GRIP2: variants seen among roughly 807,000 people sequenced by gnomAD.
GRIP2 encodes glutamate receptor-interacting protein 2.
GRIP2 carries 58 observed loss-of-function variants against 108.3 expected under a neutral mutation model. The ratio of observed to expected loss-of-function variants is 0.54; its 90% CI spans 0.43 to 0.67. GRIP2 has a LOEUF of 0.67. Ranked by LOEUF, GRIP2 falls within the 30% of genes least tolerant of loss-of-function variation. The pLI is 0.00. For missense variants in GRIP2, 1,278 were observed against 1,430.6 expected (o/e 0.89, Z 1.72); for synonymous variants, 586 against 598.2 (o/e 0.98, Z 0.30).
In GRIP2 at chr3:14,517,165, GA is replaced by G; in HGVS notation, c.1204del (p.Ser402ProfsTer15). 6.2e-7 allele frequency: 1 copy of G among 1,608,368 alleles called. No homozygotes were observed. The highest frequency in any genetic ancestry group is 8.5e-7 in the Non-Finnish European group (1 of 1,177,760). ...GGGAAGGGTGCTGGGGTTGTTGCAG[GA>G]AAAGGCGTGGTTCAAGGTCGGCGAG... ...FSSPTLNHAF[S>X]CNNPSTLPRG... On this transcript the variant is annotated frameshift_variant, in exon 11 of 24. Coordinates refer to ENST00000621039, the MANE Select transcript of GRIP2 (RefSeq NM_001080423.4). LOFTEE classifies it high-confidence loss of function.
chr3:14,539,726 G>A (rs1694915595), intron 1 of GRIP2, among the ~76,000 whole-genome samples: 1 of 152,128 alleles, frequency 6.6e-6, no homozygotes, highest in Non-Finnish European at 1.5e-5. Flanking sequence ...CCAGGAATGT[G>A]GCAGCTGTGA....
upstream of GRIP2, among the ~76,000 whole-genome samples, chr3:14,560,387 C>A (rs932569413): frequency 1.3e-5 from 2 of 152,206 alleles, no homozygotes; most frequent in African/African-American, 2.4e-5. Context: ...CAATGTCACC[C>A]CCATTTCCCT....
intron 17 of GRIP2, among the ~76,000 whole-genome samples, chr3:14,509,428 A>G (rs971953773): frequency 3.3e-4 from 50 of 152,270 alleles, no homozygotes; most frequent in African/African-American, 1.2e-3. Flanking sequence ...ACAGTCCCCC[A>G]ATGCCTCAGG....
chr3:14,516,597 G>A (rs1457842433), intron 11 of GRIP2, among the ~76,000 whole-genome samples: 3 of 152,162 alleles, frequency 2.0e-5, no homozygotes, highest in Non-Finnish European at 4.4e-5. Context: ...AAGTAAGACT[G>A]GAAATTATTA....
chr3:14,503,369 A>C (rs1477961143), intron 21 of GRIP2, among the ~76,000 whole-genome samples, 197 bp downstream of exon 21: 1 of 152,224 alleles, frequency 6.6e-6, no homozygotes, highest in South Asian at 2.1e-4. Flanking sequence ...CAGTGCTCTC[A>C]ATCACACTTG....
the GRIP2 span, among the ~76,000 whole-genome samples, chr3:14,592,702 C>T: frequency 6.6e-5 from 10 of 152,206 alleles, no homozygotes; most frequent in African/African-American, 2.4e-4. Flanking sequence ...CCCCTGACTC[C>T]TTGTGGTGGC....
At chr3:14,572,865 T>A in the GRIP2 span, 1 of 1,186,998 alleles carries the variant, frequency 8.4e-7, no homozygotes, top group Non-Finnish European at 1.3e-6. Flanking sequence ...GAGCTGAGCA[T>A]CCAGTTCGTA....
the GRIP2 span, among the ~76,000 whole-genome samples, chr3:14,578,859 T>C: frequency 9.4e-6 from 1 of 105,988 alleles, no homozygotes. Flanking sequence ...TTTTTTTTTT[T>C]CTCTCTCTCT....
the GRIP2 span, among the ~76,000 whole-genome samples, chr3:14,583,062 T>G: frequency 1.3e-5 from 2 of 152,248 alleles, no homozygotes; most frequent in African/African-American, 4.8e-5. Context: ...AGCAAGTGGC[T>G]GAGCAGGAGT....
At chr3:14,574,966 G>A in the GRIP2 span, among the ~76,000 whole-genome samples, 3 of 152,160 alleles carry the variant, frequency 2.0e-5, no homozygotes, top group Non-Finnish European at 2.9e-5. Flanking sequence ...CCTGTGCAGC[G>A]ATACACATAA....
chr3:14,571,392 C>T, the GRIP2 span, among the ~76,000 whole-genome samples: 13 of 152,246 alleles, frequency 8.5e-5, no homozygotes, highest in East Asian at 1.2e-3. Context: ...CTATGAAGGT[C>T]GCAGTGGAAA....
intron 1 of GRIP2, among the ~76,000 whole-genome samples, chr3:14,537,268 C>T (rs1692568703): frequency 1.3e-5 from 2 of 152,210 alleles, no homozygotes; most frequent in African/African-American, 2.4e-5. Flanking sequence ...TCAGCTCCTT[C>T]GGGAACTTGT....
At chr3:14,510,039 C>A in intron 16 of GRIP2, 75 bp from the exon 17 acceptor site, 1 of 1,231,958 alleles carries the variant, frequency 8.1e-7, no homozygotes. Flanking sequence ...GCCTCACTCA[C>A]TCACTCATAC....
the GRIP2 span, among the ~76,000 whole-genome samples, chr3:14,563,891 C>T: frequency 2.6e-5 from 4 of 152,234 alleles, no homozygotes; most frequent in African/African-American, 9.6e-5. Context: ...CACTGCCATT[C>T]GGAGAAAGAA....
At chr3:14,568,368 G>A in the GRIP2 span, among the ~76,000 whole-genome samples, 1 of 152,166 alleles carries the variant, frequency 6.6e-6, no homozygotes, top group African/African-American at 2.4e-5. Flanking sequence ...AAGAAAAGTA[G>A]TGACTCATTA....
intron 11 of GRIP2, among the ~76,000 whole-genome samples, chr3:14,515,389 C>T (rs1694220456): frequency 6.6e-6 from 1 of 152,072 alleles, no homozygotes; most frequent in Non-Finnish European, 1.5e-5. Context: ...GATATGGCAA[C>T]TCTATGTTTA....
At chr3:14,574,026 C>G in the GRIP2 span, 5 of 1,470,866 alleles carry the variant, frequency 3.4e-6, no homozygotes, top group African/African-American at 6.9e-5. Context: ...GGCCTCCGAG[C>G]TGGGCCCGAT....
Position 14,514,291 on chromosome 3 carries a change from C to A in GRIP2, c.1493+1G>T. 6.4e-7 allele frequency: 1 copy of A among 1,551,062 alleles called. No individual in the cohort carries two copies. The highest frequency in any genetic ancestry group is 1.2e-5 in the South Asian group (1 of 83,466). On this transcript the variant is annotated splice_donor_variant, in intron 12 of 23. Coordinates refer to ENST00000621039, the MANE Select transcript of GRIP2 (RefSeq NM_001080423.4). LOFTEE classifies it high-confidence loss of function. ...CAGTAGGGAGGGGGCAGGAGGCTCA[C>A]CTCTCAGCCGGACTGTCAGGCTCGA...
upstream of GRIP2, among the ~76,000 whole-genome samples, chr3:14,544,839 C>T (rs756376895): frequency 6.6e-6 from 1 of 152,194 alleles, no homozygotes; most frequent in Non-Finnish European, 1.5e-5. Flanking sequence ...ATTCCACCAG[C>T]CACAGGGGAG....
Sources: gnomAD v4.1 joint callset for allele counts (sites outside exome capture counted in the v4.1 genomes callset) on GRCh38, gnomAD v4.1.1 for gene constraint, MANE v1.5 for transcripts, NCBI Gene and HGNC (gene_info 2026-07-23, HGNC 2026-07-21) for gene names.